The following KCNN2 variants were observed in gnomAD, a reference collection of about 807,000 sequenced individuals.
KCNN2 encodes potassium calcium-activated channel subfamily N member 2.
In KCNN2, 24 loss-of-function variants were observed where a neutral mutation model predicts 55.5. The observed-to-expected ratio is 0.43, with a 90% CI of 0.31 to 0.61. The LOEUF is 0.61. Ranked by LOEUF, KCNN2 falls within the 20% of genes least tolerant of loss-of-function variation. The pLI, the probability that KCNN2 is intolerant of heterozygous loss-of-function variation, is 0.08. For synonymous variants in KCNN2, 431 were observed against 336.1 expected (o/e 1.28, Z -3.09); for missense variants, 754 against 853.6 (o/e 0.88, Z 1.45).
At chr5:114,214,784 T>G (rs1486300983) in intron 1 of KCNN2, among the ~76,000 whole-genome samples, 1 of 152,112 alleles carries the variant, frequency 6.6e-6, no homozygotes, top group Non-Finnish European at 1.5e-5. Context: ...CTTTCAGTCA[T>G]CCAAGACCTA....
intron 3 of KCNN2, among the ~76,000 whole-genome samples, chr5:114,461,707 G>A (rs535910586): frequency 6.6e-6 from 1 of 151,820 alleles, no homozygotes; most frequent in Admixed American, 6.6e-5. Flanking sequence ...GAAGCAGGAA[G>A]CTTGGCATGG....
In KCNN2 at chr5:114,130,780, G is replaced by T. The variant is rs959831912; in HGVS notation, c.-271+74280G>T. The stretch of plus-strand genomic sequence containing the variant: ...TGCAGGCATAAAACCAAGGATAAAG[G>T]CAGACAGCCTCAAAGCATGTATGTA... On this transcript the variant is annotated intron_variant, in intron 1 of 10. Coordinates refer to the KCNN2 transcript ENST00000512097. Among the ~76,000 whole-genome samples, 4 of 152,090 alleles carry T rather than the reference G, an allele frequency of 2.6e-5. No individual in the cohort carries two copies. The East Asian group carries it at 7.7e-4, about 29-fold the overall frequency.
At chr5:114,239,729 A>C (rs10043845) in intron 2 of KCNN2, among the ~76,000 whole-genome samples, 1 of 152,136 alleles carries the variant, frequency 6.6e-6, no homozygotes, top group Non-Finnish European at 1.5e-5. Context: ...ACTCTCTAAC[A>C]GTGGTTTCCC....
At chr5:114,161,493 T>C (rs1752781307) in intron 1 of KCNN2, among the ~76,000 whole-genome samples, 1 of 151,748 alleles carries the variant, frequency 6.6e-6, no homozygotes, top group Non-Finnish European at 1.5e-5. Context: ...GAGTTGCTCT[T>C]CTCGAGGAGT....
At chr5:114,172,792 T>A (rs1432053139) in intron 1 of KCNN2, among the ~76,000 whole-genome samples, 1 of 151,688 alleles carries the variant, frequency 6.6e-6, no homozygotes, top group Non-Finnish European at 1.5e-5. Context: ...ATATTAGATT[T>A]TTTTCTGTAG....
At chr5:114,302,365 T>C (rs1756183434) in intron 2 of KCNN2, among the ~76,000 whole-genome samples, 1 of 152,136 alleles carries the variant, frequency 6.6e-6, no homozygotes, top group South Asian at 2.1e-4. Flanking sequence ...TAGGACCTAC[T>C]ATATTCAAGG....
chr5:114,202,567 G>GTGTA (rs1554074528), intron 1 of KCNN2, among the ~76,000 whole-genome samples: 7 of 93,664 alleles, frequency 7.5e-5, no homozygotes, highest in African/African-American at 2.3e-4. Context: ...ATATGTGTGT[G>GTGTA]TATATATATA....
chr5:114,361,500 C>T (rs982616724), upstream of KCNN2, among the ~76,000 whole-genome samples: 1 of 152,208 alleles, frequency 6.6e-6, no homozygotes, highest in Non-Finnish European at 1.5e-5. Flanking sequence ...CCAGTGCCCC[C>T]GCAGTTACTT....
At chr5:114,094,619 A>G (rs1245128732) in intron 1 of KCNN2, among the ~76,000 whole-genome samples, 3 of 152,234 alleles carry the variant, frequency 2.0e-5, no homozygotes, top group African/African-American at 7.2e-5. Flanking sequence ...TCAAAGGTTA[A>G]ATACAGTAAC....
intron 2 of KCNN2, among the ~76,000 whole-genome samples, chr5:114,255,718 A>T (rs1754968586): frequency 6.6e-6 from 1 of 152,288 alleles, no homozygotes; most frequent in South Asian, 2.1e-4. Context: ...AGTAATTTTC[A>T]CAGCCAGATC....
At chr5:114,479,886 T>C (rs1561410814) in intron 5 of KCNN2, among the ~76,000 whole-genome samples, 1 of 152,174 alleles carries the variant, frequency 6.6e-6, no homozygotes, top group East Asian at 1.9e-4. Flanking sequence ...AAAGCAGTGT[T>C]AAGAAGGAAA....
intron 2 of KCNN2, among the ~76,000 whole-genome samples, chr5:114,403,233 C>T (rs909570197): frequency 6.6e-6 from 1 of 152,040 alleles, no homozygotes; most frequent in African/African-American, 2.4e-5. Context: ...ATTCTTAGCC[C>T]GTTTGGAAGT....
chr5:114,452,861 A>G (rs1486444558), intron 3 of KCNN2, among the ~76,000 whole-genome samples: 1 of 152,228 alleles, frequency 6.6e-6, no homozygotes, highest in African/African-American at 2.4e-5. Context: ...GAACTTAGAT[A>G]TGTACCTTCT....
intron 1 of KCNN2, among the ~76,000 whole-genome samples, chr5:114,121,133 T>C (rs1561484117): frequency 6.6e-6 from 1 of 152,224 alleles, no homozygotes; most frequent in African/African-American, 2.4e-5. Flanking sequence ...TCTCCTTTTT[T>C]CCTTTTGGAA....
intron 1 of KCNN2, among the ~76,000 whole-genome samples, chr5:114,185,030 A>G (rs990253168): frequency 6.6e-6 from 1 of 152,228 alleles, no homozygotes; most frequent in Non-Finnish European, 1.5e-5. Flanking sequence ...AAGTGCTGCA[A>G]TGTAAGCCTT....
chr5:114,219,162 C>G (rs1004014720), intron 1 of KCNN2, among the ~76,000 whole-genome samples: 3 of 152,236 alleles, frequency 2.0e-5, no homozygotes, highest in African/African-American at 7.2e-5. Flanking sequence ...GCCTGTGACT[C>G]TTGAAGCCCC....
chr5:114,346,350 A>G (rs1757103417), intron 2 of KCNN2, among the ~76,000 whole-genome samples: 1 of 152,204 alleles, frequency 6.6e-6, no homozygotes, highest in Admixed American at 6.5e-5. Flanking sequence ...AACTCTGTCA[A>G]CATGTACTAT....
chr5:114,462,863 G>T (rs940755397), intron 3 of KCNN2, among the ~76,000 whole-genome samples, 186 bp from the exon 4 acceptor site: 8 of 152,168 alleles, frequency 5.3e-5, no homozygotes, highest in Non-Finnish European at 1.2e-4. Context: ...TAAAGTTGAG[G>T]CACTTTCTGA....
At chr5:114,384,163 T>C (rs1758210656) in intron 2 of KCNN2, among the ~76,000 whole-genome samples, 1 of 152,228 alleles carries the variant, frequency 6.6e-6, no homozygotes, top group South Asian at 2.1e-4. Flanking sequence ...TTTCTGTCAG[T>C]TGTAATCATA....
Sources: gnomAD v4.1 joint callset for allele counts (sites outside exome capture counted in the v4.1 genomes callset) on GRCh38, gnomAD v4.1.1 for gene constraint, MANE v1.5 for transcripts, NCBI Gene and HGNC (gene_info 2026-07-23, HGNC 2026-07-21) for gene names.